Variants in RAB39A observed in about 807,000 individuals in gnomAD.
The protein encoded by RAB39A is RAB39A, member RAS oncogene family.
In RAB39A, 17 loss-of-function variants were observed where a neutral mutation model predicts 20.9. That is an observed-to-expected ratio of 0.81 (90% CI 0.56 to 1.22). The LOEUF is 1.22. RAB39A is among the 50% of genes most tolerant of loss of function. The pLI, the probability that RAB39A is intolerant of heterozygous loss-of-function variation, is 0.00. For synonymous variants in RAB39A, 99 were observed against 103.4 expected, an observed-to-expected ratio of 0.96 and a Z score of 0.26; for missense variants, 234 against 270.5, an observed-to-expected ratio of 0.87 and a Z score of 0.95.
At chr11:107,959,689 A>G (rs1489808303) in intron 1 of RAB39A, among the ~76,000 whole-genome samples, 1 of 152,228 alleles carries the variant, frequency 6.6e-6, no homozygotes, top group Non-Finnish European at 1.5e-5. Context: ...CACTCCCACA[A>G]CAAAGCTATT....
chr11:107,959,026 A>C (rs575118886), intron 1 of RAB39A, among the ~76,000 whole-genome samples: 226 of 152,154 alleles, frequency 1.5e-3, no homozygotes, highest in African/African-American at 5.3e-3. Flanking sequence ...AGGTTGAGGC[A>C]GGAGAATTGC....
chr11:107,935,900 C>CTTTTTTT (rs561399074), intron 1 of RAB39A, among the ~76,000 whole-genome samples: 1 of 81,610 alleles, frequency 1.2e-5, no homozygotes, highest in African/African-American at 4.7e-5. Context: ...GTCCTGGCCA[C>CTTTTTTT]TTTTTTTTTT....
chr11:107,944,473 G>C (rs12361830), intron 1 of RAB39A, among the ~76,000 whole-genome samples: 38,643 of 151,924 alleles, frequency 0.25, 5,374 homozygotes, highest in South Asian at 0.39. Context: ...TCGGCTCAAG[G>C]CAACCTCCAC....
In RAB39A at chr11:107,946,648, G is replaced by GT. The variant is rs550615294; in HGVS notation, c.228-15291dup. Among the ~76,000 whole-genome samples the GT allele has an allele frequency of 9.4e-3, 1,396 of 149,230 alleles. 21 individuals are homozygous for GT. The highest frequency in any genetic ancestry group is 0.031 in the African/African-American group (1,264 of 40,546). The stretch of plus-strand genomic sequence containing the variant: ...CCACCACGCCCAGCTAATTTTTTGT[G>GT]TTTTTTTAGTAGAGATGGGGTTTCA... On this transcript the variant is annotated intron_variant, in intron 1 of 1. Coordinates refer to ENST00000320578, the MANE Select transcript of RAB39A (RefSeq NM_017516.3).
chr11:107,931,729 T>C (rs1382298650), intron 1 of RAB39A, among the ~76,000 whole-genome samples: 1 of 152,162 alleles, frequency 6.6e-6, no homozygotes, highest in Non-Finnish European at 1.5e-5. Flanking sequence ...TATTGGTGAT[T>C]GGATATAAAC....
In RAB39A at chr11:107,963,138, C is replaced by G. The variant is rs895458252; in HGVS notation, c.*766C>G. 2 of 151,914 alleles carry G rather than the reference C, an allele frequency of 1.3e-5. No individual in the cohort carries two copies. Among genetic ancestry groups the G allele is most frequent in the Non-Finnish European group, 2.9e-5 (2 of 68,002 alleles). 9.4% of individuals were successfully genotyped at this position (151,914 alleles called of 1,614,324 possible). On this transcript the variant is annotated 3_prime_UTR_variant, in exon 2 of 2. Transcript: ENST00000320578. Reference sequence around the variant, plus strand: ...GGAGTGCAGTGGGGCAATCTTGGCTCCCTGCAACCTCTGCTTCCTGGGTTC... The same window carrying G: ...GGAGTGCAGTGGGGCAATCTTGGCTGCCTGCAACCTCTGCTTCCTGGGTTC...
At chr11:107,954,588 A>C (rs1462182384) in intron 1 of RAB39A, among the ~76,000 whole-genome samples, 1 of 152,206 alleles carries the variant, frequency 6.6e-6, no homozygotes, top group African/African-American at 2.4e-5. Context: ...GAACTTTTCC[A>C]CTGACCTTCA....
intron 1 of RAB39A, among the ~76,000 whole-genome samples, chr11:107,958,671 T>G: frequency 6.6e-6 from 1 of 152,118 alleles, no homozygotes; most frequent in East Asian, 1.9e-4. Flanking sequence ...TTAATAAGGG[T>G]TTTTTTATAA....
In RAB39A at chr11:107,952,810, G is replaced by T. The variant is rs12575905; in HGVS notation, c.228-9136G>T. ...AGGCAAGAGAATCACTTGAAACTGG[G>T]AGGTGGATGTTGCAGTGAGCCGAGA... On this transcript the variant is annotated intron_variant, in intron 1 of 1. Coordinates refer to ENST00000320578, the MANE Select transcript of RAB39A (RefSeq NM_017516.3). Among the ~76,000 whole-genome samples the T allele has an allele frequency of 7.7e-4, 117 of 152,316 alleles. 3 individuals are homozygous for T. In the East Asian group the frequency reaches 0.02, roughly 26 times the overall value.
chr11:107,936,628 TAA>T (rs1350629865), intron 1 of RAB39A, among the ~76,000 whole-genome samples: 5 of 152,232 alleles, frequency 3.3e-5, no homozygotes, highest in African/African-American at 1.2e-4. Flanking sequence ...TGTTTCTTTT[TAA>T]AAAGTCCCTC....
At position 107,961,873 on chromosome 11, in the gene RAB39A, G is replaced by T. The variant is rs900789017; in HGVS notation, c.228-73G>T. On this transcript the variant is annotated intron_variant, in intron 1 of 1. Transcript: ENST00000320578. ...TAAGATATCTTCAAATGTTATTATG[G>T]TGCTAGATTGTTGGAAGGAGAAGAA... The T allele has an allele frequency of 3.5e-6, 4 of 1,136,754 alleles. No homozygotes were observed. The Admixed American group carries it at 9.0e-5, about 26-fold the overall frequency. The allele number at this position is 1,136,754 out of a possible 1,614,324, so 70.4% of individuals were successfully genotyped here.
chr11:107,938,806 G>A (rs1186138721), intron 1 of RAB39A, among the ~76,000 whole-genome samples: 2 of 151,392 alleles, frequency 1.3e-5, no homozygotes, highest in Non-Finnish European at 2.9e-5. Context: ...AGAACATTTT[G>A]TGTGGTTGTA....
rs745603013 is a variant in RAB39A at position 107,962,037 on chromosome 11, T to C, written c.319T>C (p.Trp107Arg). ...ACGATCTTTTGAACATGTGAAAGAT[T>C]GGCTAGAAGAAGCAAAAATGTATGT... The part of the protein sequence containing the change: ...NRRSFEHVKD[W>R]LEEAKMYVQP... Residue 107 changes from tryptophan (W) to arginine (R), a missense_variant, in exon 2 of 2, where the codon TGG (tryptophan) becomes CGG (arginine). By Grantham distance (101) the Trp-to-Arg change is moderately radical. Coordinates refer to ENST00000320578, the MANE Select transcript of RAB39A (RefSeq NM_017516.3). 6.2e-7 allele frequency: 1 copy of C among 1,614,084 alleles called. No homozygotes were observed.
chr11:107,949,016 T>C (rs547581456), intron 1 of RAB39A, among the ~76,000 whole-genome samples: 25 of 152,144 alleles, frequency 1.6e-4, no homozygotes, highest in Middle Eastern at 3.4e-3. Flanking sequence ...CAACTCTCAA[T>C]AGGAAGAACA....
In RAB39A at chr11:107,929,629, T is replaced by A. The variant is rs541135313; in HGVS notation, c.227+834T>A. Among the ~76,000 whole-genome samples, 5 of 152,258 alleles carry A rather than the reference T, an allele frequency of 3.3e-5. No individual in the cohort carries two copies. In the South Asian group the frequency reaches 1.0e-3, roughly 32 times the overall value. Reference sequence around the variant, plus strand: ...AGTACTTAACGTTCCAGGGTGATAATATTTCTAAAGACAGAAGGAGGGATC... The same window carrying A: ...AGTACTTAACGTTCCAGGGTGATAAAATTTCTAAAGACAGAAGGAGGGATC... On this transcript the variant is annotated intron_variant, in intron 1 of 1. Coordinates refer to ENST00000320578, the MANE Select transcript of RAB39A (RefSeq NM_017516.3).
At chr11:107,942,941 T>C (rs1861274363) in intron 1 of RAB39A, among the ~76,000 whole-genome samples, 2 of 152,232 alleles carry the variant, frequency 1.3e-5, no homozygotes, top group South Asian at 4.1e-4. Flanking sequence ...CACTATTTTA[T>C]TGTTATATTC....
At chr11:107,948,048 C>G (rs1458894612) in intron 1 of RAB39A, among the ~76,000 whole-genome samples, 1 of 151,784 alleles carries the variant, frequency 6.6e-6, no homozygotes, top group Non-Finnish European at 1.5e-5. Context: ...AGGAACAGCT[C>G]TATCTCTGAA....
intron 1 of RAB39A, among the ~76,000 whole-genome samples, chr11:107,960,466 G>A (rs1861484793): frequency 6.6e-6 from 1 of 152,152 alleles, no homozygotes; most frequent in Admixed American, 6.5e-5. Context: ...AGACAGAAAA[G>A]GGGTAGAAGA....
chr11:107,957,882 CA>C (rs1312345264), intron 1 of RAB39A, among the ~76,000 whole-genome samples: 25 of 151,870 alleles, frequency 1.6e-4, no homozygotes, highest in Non-Finnish European at 2.2e-4. Context: ...TCCATTAATT[CA>C]GGGAGACTTT....
Sources: allele counts gnomAD v4.1 joint callset (sites outside exome capture counted in the v4.1 genomes callset), GRCh38; gene constraint gnomAD v4.1.1; transcripts MANE v1.5; gene names NCBI Gene and HGNC (gene_info 2026-07-23, HGNC 2026-07-21).